The following DGKZ variants were observed in gnomAD, a reference collection of about 807,000 sequenced individuals.
The protein encoded by DGKZ is DAG kinase zeta.
In DGKZ, 45 loss-of-function variants were observed where a neutral mutation model predicts 142.5. The ratio of observed to expected loss-of-function variants is 0.32; its 90% CI spans 0.25 to 0.40. DGKZ has a LOEUF of 0.40. DGKZ is among the 10% of genes least tolerant of loss of function. The pLI is 1.00. For missense variants in DGKZ, 755 were observed against 1,306.5 expected, an observed-to-expected ratio of 0.58 and a Z score of 6.51; for synonymous variants, 442 against 527.0, an observed-to-expected ratio of 0.84 and a Z score of 2.21.
chr11:46,346,766 G>T (rs1940663590), upstream of DGKZ, among the ~76,000 whole-genome samples: 1 of 152,124 alleles, frequency 6.6e-6, no homozygotes, highest in South Asian at 2.1e-4. Context: ...AGATCTATAG[G>T]TTCTGTTGAA....
chr11:46,377,391 G>A (rs959573248), intron 25 of DGKZ, 179 bp downstream of exon 25: 38 of 1,193,000 alleles, frequency 3.2e-5, no homozygotes, highest in African/African-American at 2.2e-4. Flanking sequence ...GCGGCCTCAC[G>A]TCCACCCTGG....
chr11:46,378,733 T>G, intron 27 of DGKZ: 1 of 840,172 alleles, frequency 1.2e-6, no homozygotes, highest in Middle Eastern at 2.3e-4. Context: ...TCCCTGGTGC[T>G]TAGAAAGGAG....
intron 1 of DGKZ, among the ~76,000 whole-genome samples, chr11:46,337,427 C>G (rs919131204): frequency 6.6e-6 from 1 of 151,080 alleles, no homozygotes; most frequent in East Asian, 2.0e-4. Context: ...TGCCAAGTAG[C>G]TGGGACTACA....
chr11:46,371,715 A>G (rs779936245), exon 9 of DGKZ: 4 of 1,613,956 alleles, frequency 2.5e-6, no homozygotes, highest in Non-Finnish European at 2.5e-6. Context: ...ATACTCTGAA[A>G]GCAAGCAAGA....
In DGKZ at chr11:46,367,018, G is replaced by T. The variant is rs1049903247; in HGVS notation, c.162-273G>T. ...AGCTGTGGCCAGCAGGGCGAGTGGT[G>T]TGACCTCCTGTGGGTCTGGCCTGGG... On this transcript the variant is annotated intron_variant, in intron 1 of 30. Coordinates refer to ENST00000527911, the Ensembl canonical transcript of DGKZ. This position sits in a 1 kb window ranked among gnomAD's most constrained non-coding sequence, Gnocchi z 4.1. 1.3e-6 allele frequency: 2 copies of T among 1,482,684 alleles called. No homozygotes were observed. Among genetic ancestry groups the T allele is most frequent in the Non-Finnish European group, 1.8e-6 (2 of 1,122,662 alleles). The allele number at this position is 1,482,684 out of a possible 1,614,324, so 91.8% of individuals were successfully genotyped here.
At chr11:46,376,004 G>A (rs1383053800) in intron 21 of DGKZ, 53 bp downstream of exon 21, 76 of 1,611,594 alleles carry the variant, frequency 4.7e-5, no homozygotes, top group South Asian at 3.1e-4. Flanking sequence ...TGAAGCAGCC[G>A]GGGCCCCCTT....
intron 5 of DGKZ, 109 bp downstream of exon 5, chr11:46,369,659 G>A: frequency 7.1e-7 from 1 of 1,402,168 alleles, no homozygotes; most frequent in Non-Finnish European, 1.0e-6. Context: ...CTAGGCTGCT[G>A]CTCACTGAGG....
chr11:46,362,862 G>A (rs1330998233), intron 1 of DGKZ, among the ~76,000 whole-genome samples: 3 of 152,176 alleles, frequency 2.0e-5, no homozygotes, highest in East Asian at 1.9e-4. Context: ...AAGGGTGCAC[G>A]GCCAGACACC....
exon 26 of DGKZ, chr11:46,378,219 A>C: frequency 3.7e-6 from 6 of 1,608,622 alleles, no homozygotes; most frequent in Non-Finnish European, 4.2e-6. Context: ...GGGATGCTGC[A>C]CCCCCTCAAG....
chr11:46,339,959 ACTGACAAGGGCTCTCGGC>A (rs1940197090), intron 1 of DGKZ, among the ~76,000 whole-genome samples: 1 of 152,230 alleles, frequency 6.6e-6, no homozygotes, highest in Admixed American at 6.5e-5. Flanking sequence ...CTCCAGTGTG[ACTGACAAGGGCTCTCGGC>A]CTATAGATGC....
rs117350346 is a variant in DGKZ at position 46,334,562 on chromosome 11, G to A, written c.212+1075G>A. ...TTCTTAATGGCTCTGGGGCCATCAG[G>A]GCTCCATCACTTGGGGGAGGAAGGG... On this transcript the variant is annotated intron_variant, in intron 1 of 30. Coordinates refer to the DGKZ transcript ENST00000343674. Among the ~76,000 whole-genome samples the A allele has an allele frequency of 9.8e-3, 1,498 of 152,292 alleles. 15 individuals are homozygous for A. Among genetic ancestry groups the A allele is most frequent in the Non-Finnish European group, 0.015 (1,016 of 68,026 alleles).
intron 1 of DGKZ, chr11:46,366,985 G>A (rs1002816860): frequency 7.2e-6 from 11 of 1,524,540 alleles, no homozygotes; most frequent in African/African-American, 2.7e-5. Flanking sequence ...CCCTGCTCGC[G>A]TAGGTATAGC....
At chr11:46,375,702 C>T in intron 20 of DGKZ, 71 bp downstream of exon 20, 1 of 1,514,922 alleles carries the variant, frequency 6.6e-7, no homozygotes, top group South Asian at 1.2e-5. Flanking sequence ...TTGATTTCCC[C>T]ATCTGTAAAA....
chr11:46,340,361 G>C (rs554915973), intron 1 of DGKZ, among the ~76,000 whole-genome samples: 2 of 152,198 alleles, frequency 1.3e-5, no homozygotes, highest in African/African-American at 2.4e-5. Flanking sequence ...TGACCGTGTC[G>C]TGGGGGCTTG....
At chr11:46,377,809 A>C in intron 25 of DGKZ, 1 of 305,510 alleles carries the variant, frequency 3.3e-6, no homozygotes, top group Admixed American at 4.9e-5. Context: ...CGCTGCCTCC[A>C]ACTCTTCCCC....
intron 1 of DGKZ, among the ~76,000 whole-genome samples, chr11:46,349,578 T>G (rs2136399995): frequency 6.6e-6 from 1 of 152,288 alleles, no homozygotes; most frequent in African/African-American, 2.4e-5. Context: ...AACCAATTTT[T>G]TGTAGAGATG....
At position 46,378,239 on chromosome 11, in the gene DGKZ, C is replaced by T. The variant is rs770764744; in HGVS notation, c.2374+10C>T. ...GCTGCACCCCCTCAAGGTGAGGCCT[C>T]TCCCTCTGGGGCCCCTCCTTTCTGC... On this transcript the variant is annotated intron_variant, in intron 26 of 30. Coordinates refer to ENST00000527911, the Ensembl canonical transcript of DGKZ. 1.2e-6 allele frequency: 2 copies of T among 1,604,436 alleles called. No homozygotes were observed. Among genetic ancestry groups the T allele is most frequent in the South Asian group, 2.2e-5 (2 of 89,906 alleles).
chr11:46,359,805 A>G (rs1488973105), intron 1 of DGKZ, among the ~76,000 whole-genome samples: 1 of 141,864 alleles, frequency 7.0e-6, no homozygotes, highest in Non-Finnish European at 1.5e-5. Context: ...GTTAGTAGAG[A>G]CGGGGTTTTG....
intron 6 of DGKZ, among the ~76,000 whole-genome samples, chr11:46,370,519 C>T (rs1943824988): frequency 6.6e-6 from 1 of 152,228 alleles, no homozygotes; most frequent in South Asian, 2.1e-4. Flanking sequence ...TGGCCCACTG[C>T]AGGCCTTTCA....
Sources: allele counts gnomAD v4.1 joint callset (sites outside exome capture counted in the v4.1 genomes callset), GRCh38; gene constraint gnomAD v4.1.1; non-coding constraint Gnocchi (gnomAD v3.1); transcripts MANE v1.5; gene names NCBI Gene and HGNC (gene_info 2026-07-23, HGNC 2026-07-21).